Variants in PDE1C observed in about 807,000 individuals in gnomAD.
PDE1C encodes dual specificity calcium/calmodulin-dependent 3',5'-cyclic nucleotide phosphodiesterase 1C.
In PDE1C, 62 loss-of-function variants were observed where a neutral mutation model predicts 93.1. The ratio of observed to expected loss-of-function variants is 0.67; its 90% confidence interval spans 0.54 to 0.82. PDE1C has a LOEUF of 0.82. Ranked by LOEUF, PDE1C falls within the 40% of genes least tolerant of loss-of-function variation. PDE1C has a pLI of 0.00. For synonymous variants in PDE1C, 325 were observed against 310.1 expected, an observed-to-expected ratio of 1.05 and a Z score of -0.50; for missense variants, 742 against 884.6, an observed-to-expected ratio of 0.84 and a Z score of 2.04.
the PDE1C span, among the ~76,000 whole-genome samples, chr7:31,696,632 ACTGCT>A: frequency 6.6e-6 from 1 of 152,188 alleles, no homozygotes; most frequent in Non-Finnish European, 1.5e-5. Flanking sequence ...CTTGGGCTCA[ACTGCT>A]CTGTGACACC....
At chr7:31,774,503 T>G (rs1267810197) in intron 17 of PDE1C, among the ~76,000 whole-genome samples, 2 of 152,210 alleles carry the variant, frequency 1.3e-5, no homozygotes, top group African/African-American at 4.8e-5. Flanking sequence ...ATGTCTGCAT[T>G]CTTTGAGCCA....
At chr7:32,048,235 ACTT>A (rs1470122494) in intron 2 of PDE1C, among the ~76,000 whole-genome samples, 2 of 152,160 alleles carry the variant, frequency 1.3e-5, no homozygotes, top group Non-Finnish European at 2.9e-5. Flanking sequence ...TTTTTAAAAC[ACTT>A]CTTTTATCAA....
At chr7:32,198,807 G>A (rs1804795959) in intron 2 of PDE1C, among the ~76,000 whole-genome samples, 1 of 152,146 alleles carries the variant, frequency 6.6e-6, no homozygotes, top group African/African-American at 2.4e-5. Flanking sequence ...AAAAACTGAA[G>A]TTCTTTTAAC....
intron 7 of PDE1C, among the ~76,000 whole-genome samples, chr7:31,853,985 C>T (rs1277952340): frequency 1.3e-5 from 2 of 151,736 alleles, no homozygotes; most frequent in African/African-American, 4.8e-5. Context: ...TCTGGGCCTC[C>T]CAAAATTCTG....
At chr7:32,243,381 G>A (rs1167661754) in intron 1 of PDE1C, among the ~76,000 whole-genome samples, 3 of 152,184 alleles carry the variant, frequency 2.0e-5, no homozygotes, top group Non-Finnish European at 4.4e-5. Flanking sequence ...AGCTTGGGGT[G>A]ATGCTTGTGA....
rs778376548 is a variant in PDE1C at position 31,879,013 on chromosome 7, A to C, written c.408T>G (p.Ala136=). 30 of 1,613,980 alleles carry C rather than the reference A, an allele frequency of 1.9e-5. No individual in the cohort carries two copies. The highest frequency in any genetic ancestry group is 2.3e-5 in the Non-Finnish European group (27 of 1,179,966). The change falls in exon 4 of 18, where the codon GCT becomes GCG. Residue 136 remains alanine (A), a synonymous_variant. Coordinates refer to ENST00000396191, the MANE Select transcript of PDE1C (RefSeq NM_001191057.4). ...ATCTTTACCTCTCCACAAATATCCC[A>C]GCCTGCACTGCGTGAACGATGCTCT... ...RFKSIVHAVQ[A]GIFVERMYRR... is the part of the protein sequence containing the mutation.
intron 7 of PDE1C, among the ~76,000 whole-genome samples, chr7:31,856,004 T>C (rs980508086): frequency 6.6e-6 from 1 of 152,116 alleles, no homozygotes; most frequent in Non-Finnish European, 1.5e-5. Context: ...ATGAGCAAAA[T>C]AATTCTGAAA....
chr7:32,075,297 G>C (rs1440908383), upstream of PDE1C, among the ~76,000 whole-genome samples: 1 of 152,166 alleles, frequency 6.6e-6, no homozygotes, highest in Non-Finnish European at 1.5e-5. Flanking sequence ...CATTTTTCAC[G>C]ACTTGGCAGT....
At chr7:31,617,085 T>C in the PDE1C span, among the ~76,000 whole-genome samples, 7 of 152,214 alleles carry the variant, frequency 4.6e-5, no homozygotes, top group Non-Finnish European at 7.3e-5. Flanking sequence ...ACCCCAAAGA[T>C]GGTTGCACTT....
In PDE1C at chr7:32,200,872, T is replaced by TA. The variant is rs369333059; in HGVS notation, c.136+8616dup. ...CAAGAAGAGCATGTGGGATGGGAGA[T>TA]ATAGTTACAAATATTTTTGGAAAAC... On this transcript the variant is annotated intron_variant, in intron 2 of 18. Transcript: ENST00000396193. 5.5e-3 allele frequency among the ~76,000 whole-genome samples: 845 copies of TA among 152,320 alleles called. 5 individuals carry two copies. Among genetic ancestry groups the TA allele is most frequent in the African/African-American group, 0.019 (803 of 41,572 alleles).
At chr7:32,310,964 G>T (rs954165731) in intron 1 of PDE1C, among the ~76,000 whole-genome samples, 3 of 152,174 alleles carry the variant, frequency 2.0e-5, no homozygotes, top group African/African-American at 7.2e-5. Context: ...GAATCCAGGA[G>T]CTGCTTTTTT....
At chr7:32,347,552 GT>G (rs1161179442) in intron 1 of PDE1C, among the ~76,000 whole-genome samples, 1 of 152,156 alleles carries the variant, frequency 6.6e-6, no homozygotes, top group Non-Finnish European at 1.5e-5. Context: ...GTTGACTTTA[GT>G]CAATCAAAAG....
Position 32,045,353 on chromosome 7 carries a change from C to T in PDE1C, c.128+6201G>A, listed in dbSNP as rs143117514. ...ACCACTGTGGCTGCTATAAAGGCAC[C>T]CTGATTCAGGTGGCAATCTTGGAAT... On this transcript the variant is annotated intron_variant, in intron 2 of 17. Transcript: ENST00000396191. 4.7e-3 allele frequency among the ~76,000 whole-genome samples: 721 copies of T among 152,150 alleles called. 5 individuals carry two copies. The highest frequency in any genetic ancestry group is 0.014 in the African/African-American group (568 of 41,516).
chr7:31,850,859 C>T, intron 7 of PDE1C, 118 bp from the exon 8 acceptor site: 1 of 718,252 alleles, frequency 1.4e-6, no homozygotes, highest in Non-Finnish European at 2.5e-6. Flanking sequence ...TATTGCCAAA[C>T]ACAAGTTTTC....
intron 1 of PDE1C, among the ~76,000 whole-genome samples, chr7:32,374,039 G>T (rs993784381): frequency 3.8e-4 from 46 of 121,950 alleles, no homozygotes; most frequent in Admixed American, 3.1e-4. Context: ...GAGAGAAAGA[G>T]AGAAATAAAG....
intron 1 of PDE1C, among the ~76,000 whole-genome samples, chr7:32,266,913 G>A (rs1481707228): frequency 2.0e-5 from 3 of 150,928 alleles, no homozygotes; most frequent in African/African-American, 4.9e-5. Context: ...GGGGCGGGGT[G>A]GGGGGGTGCG....
chr7:32,076,452 C>T (rs540263558), intron 3 of PDE1C, among the ~76,000 whole-genome samples: 1 of 151,972 alleles, frequency 6.6e-6, no homozygotes, highest in African/African-American at 2.4e-5. Context: ...ACCAGCCTGG[C>T]CAAGATGGCA....
intron 1 of PDE1C, among the ~76,000 whole-genome samples, chr7:32,239,193 T>G (rs1278240999): frequency 6.6e-6 from 1 of 152,180 alleles, no homozygotes; most frequent in East Asian, 1.9e-4. Context: ...ATTGTGCCAC[T>G]GCACTCTAAT....
chr7:32,162,486 G>A (rs535759390), intron 3 of PDE1C, among the ~76,000 whole-genome samples: 1 of 152,276 alleles, frequency 6.6e-6, no homozygotes, highest in South Asian at 2.1e-4. Context: ...AGCTGAGCGA[G>A]GCTGAGAAAG....
Sources: allele counts gnomAD v4.1 joint callset (sites outside exome capture counted in the v4.1 genomes callset), GRCh38; gene constraint gnomAD v4.1.1; transcripts MANE v1.5; gene names NCBI Gene and HGNC (gene_info 2026-07-23, HGNC 2026-07-21).